The following SLC39A8 variants were observed in gnomAD, a reference collection of about 807,000 sequenced individuals.
SLC39A8 encodes solute carrier family 39 member 8, also known as metal cation symporter ZIP8.
Under a neutral mutation model 40.4 loss-of-function variants are expected in SLC39A8, and 15 were observed. The ratio of observed to expected loss-of-function variants is 0.37; its 90% CI spans 0.25 to 0.57. SLC39A8 has a LOEUF of 0.57. Ranked by LOEUF, SLC39A8 falls within the 20% of genes least tolerant of loss-of-function variation. SLC39A8 has a pLI of 0.75. For synonymous variants in SLC39A8, 223 were observed against 221.6 expected, an observed-to-expected ratio of 1.01 and a Z score of -0.06; for missense variants, 472 against 558.8, an observed-to-expected ratio of 0.84 and a Z score of 1.57.
At chr4:102,343,487 C>T (rs922214633) in intron 2 of SLC39A8, among the ~76,000 whole-genome samples, 1 of 152,020 alleles carries the variant, frequency 6.6e-6, no homozygotes, top group Non-Finnish European at 1.5e-5. Flanking sequence ...TGGAAAATAC[C>T]GTATTCTACC....
intron 6 of SLC39A8, among the ~76,000 whole-genome samples, chr4:102,281,808 C>T (rs1229772536): frequency 6.6e-6 from 1 of 152,152 alleles, no homozygotes; most frequent in African/African-American, 2.4e-5. Context: ...GGTACCAGGA[C>T]CACATTCCCT....
exon 12 of SLC39A8, chr4:102,251,266 A>G (rs973349752): frequency 1.3e-5 from 2 of 152,134 alleles, no homozygotes; most frequent in African/African-American, 4.8e-5. Flanking sequence ...TATTATTGTT[A>G]GCTATAGCCA....
At chr4:102,336,507 T>C (rs1279598062) in intron 2 of SLC39A8, among the ~76,000 whole-genome samples, 1 of 150,668 alleles carries the variant, frequency 6.6e-6, no homozygotes, top group Non-Finnish European at 1.5e-5. Context: ...TTAGAGGCAT[T>C]ATCAATGCTC....
chr4:102,321,427 C>G (rs773925507), intron 2 of SLC39A8, among the ~76,000 whole-genome samples: 14 of 152,186 alleles, frequency 9.2e-5, no homozygotes, highest in Admixed American at 8.5e-4. Flanking sequence ...GGGGCAGGAG[C>G]CTGCCCTCTT....
chr4:102,306,982 T>A (rs1734202161), intron 4 of SLC39A8, among the ~76,000 whole-genome samples: 1 of 152,098 alleles, frequency 6.6e-6, no homozygotes, highest in Admixed American at 6.6e-5. Context: ...TCATTTACTC[T>A]CTAGTCACTT....
chr4:102,304,868 T>G (rs745933052), intron 5 of SLC39A8, 121 bp downstream of exon 5: 16 of 829,936 alleles, frequency 1.9e-5, no homozygotes, highest in African/African-American at 3.6e-5. Flanking sequence ...CTCCTTAAAC[T>G]CACAAGCCTA....
At chr4:102,266,007 G>A (rs1231820319) in intron 8 of SLC39A8, among the ~76,000 whole-genome samples, 1 of 152,082 alleles carries the variant, frequency 6.6e-6, no homozygotes, top group Non-Finnish European at 1.5e-5. Context: ...AAACACTTTT[G>A]CTAGCTAATC....
chr4:102,267,540 T>C lies in SLC39A8; in HGVS notation c.1183A>G (p.Ile395Val), dbSNP rs746684485. Residue 395 changes from isoleucine to valine, a missense_variant, in exon 8 of 9, where the codon ATA becomes GTA. Transcript: ENST00000356736. ...LVGNNFAPNI[I>V]FALAGGMFLY... is the part of the protein sequence containing the mutation. ...AACATGCCTCCAGCAAGTGCAAATA[T>C]AATATTTGGAGCGAAATTGTTGCCC... 5 of 1,613,894 alleles carry C rather than the reference T, an allele frequency of 3.1e-6. No individual in the cohort carries two copies. The South Asian group carries it at 3.3e-5, about 11-fold the overall frequency.
intron 8 of SLC39A8, among the ~76,000 whole-genome samples, chr4:102,264,111 T>C (rs1731984983): frequency 6.6e-6 from 1 of 152,200 alleles, no homozygotes; most frequent in Non-Finnish European, 1.5e-5. Context: ...GATAAGTCCT[T>C]TCTAGAAAGT....
intron 6 of SLC39A8, among the ~76,000 whole-genome samples, chr4:102,275,636 A>G (rs889957556): frequency 6.6e-6 from 1 of 152,184 alleles, no homozygotes; most frequent in Non-Finnish European, 1.5e-5. Context: ...AAGCTGACCT[A>G]ATAGATATCT....
At chr4:102,328,203 C>T (rs1735300120) in intron 2 of SLC39A8, among the ~76,000 whole-genome samples, 1 of 152,048 alleles carries the variant, frequency 6.6e-6, no homozygotes, top group Non-Finnish European at 1.5e-5. Context: ...ATTCCATTTC[C>T]TCACCTCTCA....
At chr4:102,261,479 A>G (rs4698843), downstream of SLC39A8, among the ~76,000 whole-genome samples, 110,354 of 152,024 alleles carry the variant, frequency 0.73, 40,481 homozygotes, top group Non-Finnish European at 0.78. Flanking sequence ...TACTATTCAG[A>G]GACTATTAAA....
At chr4:102,320,935 T>C (rs528642867) in intron 2 of SLC39A8, among the ~76,000 whole-genome samples, 115 of 151,968 alleles carry the variant, frequency 7.6e-4, no homozygotes, top group African/African-American at 2.6e-3. Context: ...ATAGTAGCCA[T>C]GTAGTTATAC....
chr4:102,327,668 G>A (rs1000471466), intron 2 of SLC39A8, among the ~76,000 whole-genome samples: 10 of 152,160 alleles, frequency 6.6e-5, no homozygotes, highest in Admixed American at 2.6e-4. Flanking sequence ...AAAATCTACA[G>A]AGAATGGACT....
At chr4:102,303,561 G>C (rs550607065) in intron 6 of SLC39A8, among the ~76,000 whole-genome samples, 3 of 151,996 alleles carry the variant, frequency 2.0e-5, no homozygotes, top group Non-Finnish European at 4.4e-5. Context: ...AGAAAAGAAT[G>C]ATACTAAGAG....
chr4:102,266,175 T>A (rs887062860), intron 8 of SLC39A8, among the ~76,000 whole-genome samples: 2 of 152,200 alleles, frequency 1.3e-5, no homozygotes, highest in East Asian at 1.9e-4. Context: ...AAAAGCCCCA[T>A]GAATGGAAAA....
intron 6 of SLC39A8, among the ~76,000 whole-genome samples, chr4:102,297,675 G>T (rs946452044): frequency 6.6e-6 from 1 of 152,020 alleles, no homozygotes; most frequent in Non-Finnish European, 1.5e-5. Flanking sequence ...CCAATACTTT[G>T]GGAGGCTAAG....
At chr4:102,325,933 C>T (rs1328559762) in intron 2 of SLC39A8, among the ~76,000 whole-genome samples, 1 of 152,090 alleles carries the variant, frequency 6.6e-6, no homozygotes, top group Non-Finnish European at 1.5e-5. Context: ...GACAAGTTTC[C>T]CAGCCCTACC....
chr4:102,305,012 T>C lies in SLC39A8; in HGVS notation c.652A>G (p.Met218Val). ...ACCTGACCATATGTCTTTAATAACA[T>C]CTTTAGCATTCTTTCAAAAAAGAAA... ...LLFFFERMLK[M>V]LLKTYGQNGH... Residue 218 changes from methionine (M) to valine (V), a missense_variant, in exon 5 of 9, where the codon ATG (methionine) becomes GTG (valine). This residue lies in a region of SLC39A8 where 239 missense variants were observed against 317.9 expected (regional missense o/e 0.75). Coordinates refer to ENST00000356736, the MANE Select transcript of SLC39A8 (RefSeq NM_001135146.2). 3 of 1,606,122 alleles carry C rather than the reference T, an allele frequency of 1.9e-6. No homozygotes were observed. Among genetic ancestry groups the C allele is most frequent in the Non-Finnish European group, 2.6e-6 (3 of 1,174,188 alleles).
Sources: gnomAD v4.1 joint callset for allele counts (sites outside exome capture counted in the v4.1 genomes callset) on GRCh38, gnomAD v4.1.1 for gene constraint, gnomAD v4.1.1 regional missense constraint, MANE v1.5 for transcripts, NCBI Gene and HGNC (gene_info 2026-07-23, HGNC 2026-07-21) for gene names.